CRADD: variants seen among roughly 807,000 people sequenced by gnomAD.
CRADD encodes the protein death domain-containing protein CRADD.
In CRADD, 9 loss-of-function variants were observed where a neutral mutation model predicts 15.5. That is an observed-to-expected ratio of 0.58 (90% CI 0.35 to 1.01). The LOEUF (loss-of-function observed/expected upper bound fraction) is 1.01. CRADD is among the 50% of genes least tolerant of loss of function. The pLI, the probability that CRADD is intolerant of heterozygous loss-of-function variation, is 0.02. For missense variants in CRADD, 227 were observed against 250.3 expected, an observed-to-expected ratio of 0.91 and a Z score of 0.63; for synonymous variants, 118 against 107.6, an observed-to-expected ratio of 1.10 and a Z score of -0.60.
At chr12:93,734,658 A>G (rs1041121672) in intron 2 of CRADD, among the ~76,000 whole-genome samples, 4 of 152,212 alleles carry the variant, frequency 2.6e-5, no homozygotes, top group African/African-American at 9.6e-5. Flanking sequence ...TCATCAGGCC[A>G]GTGCTTCCTT....
At chr12:93,743,652 T>C (rs1411337217) in intron 2 of CRADD, among the ~76,000 whole-genome samples, 1 of 152,198 alleles carries the variant, frequency 6.6e-6, no homozygotes, top group Non-Finnish European at 1.5e-5. Flanking sequence ...TCATATATTT[T>C]AGTGAGGGTG....
chr12:93,749,428 G>A (rs1379795818), intron 2 of CRADD, among the ~76,000 whole-genome samples: 3 of 152,182 alleles, frequency 2.0e-5, no homozygotes, highest in Non-Finnish European at 4.4e-5. Context: ...AGCCCCTGAA[G>A]GTTTTTAGGA....
chr12:93,833,590 C>A (rs980392397), intron 2 of CRADD, among the ~76,000 whole-genome samples: 1 of 152,130 alleles, frequency 6.6e-6, no homozygotes, highest in African/African-American at 2.4e-5. Context: ...AAGCGACCCT[C>A]CCCCCTTGGC....
chr12:93,812,739 T>C (rs1056557810), intron 2 of CRADD, among the ~76,000 whole-genome samples: 1 of 152,222 alleles, frequency 6.6e-6, no homozygotes, highest in African/African-American at 2.4e-5. Flanking sequence ...AAGTTAGTAA[T>C]AGTTTGTTGC....
chr12:93,780,130 C>T (rs1260321959), intron 2 of CRADD, among the ~76,000 whole-genome samples: 1 of 152,196 alleles, frequency 6.6e-6, no homozygotes, highest in Non-Finnish European at 1.5e-5. Flanking sequence ...AGGCTAAGCT[C>T]GTTGCTTGGG....
At chr12:93,830,182 G>A (rs1957877432) in intron 2 of CRADD, among the ~76,000 whole-genome samples, 1 of 152,200 alleles carries the variant, frequency 6.6e-6, no homozygotes, top group East Asian at 1.9e-4. Flanking sequence ...CCCCTTCCTC[G>A]AATCTTCGCT....
chr12:93,710,145 G>A (rs982988661), intron 2 of CRADD, among the ~76,000 whole-genome samples: 1 of 152,148 alleles, frequency 6.6e-6, no homozygotes, highest in Non-Finnish European at 1.5e-5. Context: ...TACAGCAGAT[G>A]TTTTCAGTTT....
intron 2 of CRADD, among the ~76,000 whole-genome samples, chr12:93,736,336 C>T (rs756092195): frequency 6.6e-5 from 10 of 152,144 alleles, no homozygotes; most frequent in Non-Finnish European, 1.2e-4. Context: ...TGTCCATGGT[C>T]AGCCTATTAC....
At chr12:93,756,935 C>G (rs1956897397) in intron 2 of CRADD, among the ~76,000 whole-genome samples, 1 of 152,214 alleles carries the variant, frequency 6.6e-6, no homozygotes, top group African/African-American at 2.4e-5. Context: ...CCGCCACTGA[C>G]AGAAATGATT....
intron 2 of CRADD, among the ~76,000 whole-genome samples, chr12:93,868,353 G>T (rs1204582796): frequency 6.6e-6 from 1 of 152,064 alleles, no homozygotes; most frequent in African/African-American, 2.4e-5. Context: ...AACTAATTTA[G>T]TATCTCTCAA....
intron 2 of CRADD, among the ~76,000 whole-genome samples, chr12:93,699,329 A>G (rs572793378): frequency 6.6e-6 from 1 of 152,340 alleles, no homozygotes; most frequent in East Asian, 1.9e-4. Context: ...AATTGTACAT[A>G]AGAGAAAAAG....
intron 2 of CRADD, among the ~76,000 whole-genome samples, chr12:93,832,330 T>C (rs1043102467): frequency 1.3e-5 from 2 of 152,214 alleles, no homozygotes; most frequent in African/African-American, 4.8e-5. Context: ...ATCCATACTT[T>C]TTTCATTTCT....
downstream of CRADD, among the ~76,000 whole-genome samples, chr12:93,850,959 G>C (rs1274404279): frequency 6.6e-6 from 1 of 152,156 alleles, no homozygotes; most frequent in Non-Finnish European, 1.5e-5. The surrounding 1 kb of genome is among the most constrained non-coding windows in gnomAD (Gnocchi z 4.0). Flanking sequence ...GCAAAGACCA[G>C]TTCAAGGACC....
intron 2 of CRADD, among the ~76,000 whole-genome samples, chr12:93,683,069 G>A (rs1955356616): frequency 6.6e-6 from 1 of 152,236 alleles, no homozygotes; most frequent in African/African-American, 2.4e-5. Context: ...CCGTGTCTGG[G>A]TGAAGGCAGC....
intron 2 of CRADD, among the ~76,000 whole-genome samples, chr12:93,692,855 G>A (rs1345964459): frequency 1.3e-5 from 2 of 152,124 alleles, no homozygotes; most frequent in Non-Finnish European, 2.9e-5. Flanking sequence ...TACATCTTTA[G>A]TTTGAAGGTT....
intron 2 of CRADD, among the ~76,000 whole-genome samples, chr12:93,863,382 T>C (rs2137060687): frequency 6.6e-6 from 1 of 152,328 alleles, no homozygotes; most frequent in South Asian, 2.1e-4. Context: ...ATTTGCTTAC[T>C]GTGGTGCCTC....
At chr12:93,725,022 G>A (rs1270374896) in intron 2 of CRADD, among the ~76,000 whole-genome samples, 2 of 152,012 alleles carry the variant, frequency 1.3e-5, no homozygotes, top group Non-Finnish European at 2.9e-5. Flanking sequence ...CACCACGCTT[G>A]GCTAATTTTT....
intron 2 of CRADD, among the ~76,000 whole-genome samples, chr12:93,839,872 G>A (rs1022748891): frequency 1.3e-5 from 2 of 152,104 alleles, no homozygotes; most frequent in African/African-American, 2.4e-5. Flanking sequence ...CTTGGATCAC[G>A]TCTCCTTCAT....
In CRADD at chr12:93,801,679, A is replaced by G. The variant is rs564140929; in HGVS notation, c.299-48291A>G. On this transcript the variant is annotated intron_variant, in intron 2 of 2. Transcript: ENST00000332896. ...CTCCCAAAGTGCTGGGATTCCAGGCATGAGCCACAGTGCCTGGCCTTTAAA... is the reference window on the plus strand; with the variant it reads ...CTCCCAAAGTGCTGGGATTCCAGGCGTGAGCCACAGTGCCTGGCCTTTAAA... Among the ~76,000 whole-genome samples, 3 of 152,326 alleles carry G rather than the reference A, an allele frequency of 2.0e-5. No individual in the cohort carries two copies. In the East Asian group the frequency reaches 5.8e-4, roughly 29 times the overall value.
Sources: gnomAD v4.1 joint callset for allele counts (sites outside exome capture counted in the v4.1 genomes callset) on GRCh38, gnomAD v4.1.1 for gene constraint, Gnocchi (gnomAD v3.1) non-coding constraint, MANE v1.5 for transcripts, NCBI Gene and HGNC (gene_info 2026-07-23, HGNC 2026-07-21) for gene names.